ANKRD42: variants seen among roughly 807,000 people sequenced by gnomAD.
The protein encoded by ANKRD42 is ankyrin repeat domain-containing protein 42.
ANKRD42 carries 43 observed loss-of-function variants against 51.5 expected under a neutral mutation model. The observed-to-expected ratio is 0.83, with a 90% CI of 0.65 to 1.08. ANKRD42 has a LOEUF of 1.08. ANKRD42 is among the 50% of genes least tolerant of loss of function. The pLI is 0.00. For missense variants in ANKRD42, 608 were observed against 629.3 expected (o/e 0.97, Z 0.36); for synonymous variants, 203 against 213.0 (o/e 0.95, Z 0.41).
intron 1 of ANKRD42, among the ~76,000 whole-genome samples, chr11:83,197,937 A>G (rs930820463): frequency 6.6e-6 from 1 of 152,224 alleles, no homozygotes; most frequent in Admixed American, 6.5e-5. Flanking sequence ...ATATTTCAAA[A>G]TGGTTACTTT....
rs200751681 is a variant in ANKRD42, at chr11:83,219,573, G to A, written c.587-5282G>A. Among the ~76,000 whole-genome samples, 499 of 152,320 alleles carry A rather than the reference G, an allele frequency of 3.3e-3. 2 individuals carry two copies. Among genetic ancestry groups the A allele is most frequent in the South Asian group, 8.1e-3 (39 of 4,826 alleles). On this transcript the variant is annotated intron_variant, in intron 5 of 10. Coordinates refer to ENST00000533342, the MANE Select transcript of ANKRD42 (RefSeq NM_001300975.2). ...GCCTCTGTCCCCACTTGCCATCAAA[G>A]GAGTAAGCCCCTCTCTCAAGGCGGT... is the stretch of plus-strand genomic sequence containing the variant.
Position 83,235,801 on chromosome 11 carries a change from G to A in ANKRD42, c.914-603G>A, listed in dbSNP as rs1000787736. 3.5e-4 allele frequency among the ~76,000 whole-genome samples: 54 copies of A among 152,312 alleles called. 1 individual carries two copies. Among genetic ancestry groups the A allele is most frequent in the African/African-American group, 1.3e-3 (53 of 41,568 alleles). ...GACACATAAGCAGAGTTGTGAAGGT[G>A]AAAATAAAGACAGCATGTGTTATGA... On this transcript the variant is annotated intron_variant, in intron 7 of 10. Coordinates refer to ENST00000533342, the MANE Select transcript of ANKRD42 (RefSeq NM_001300975.2).
intron 5 of ANKRD42, among the ~76,000 whole-genome samples, chr11:83,216,234 G>GT (rs1862525238): frequency 6.6e-6 from 1 of 152,104 alleles, no homozygotes; most frequent in Non-Finnish European, 1.5e-5. Context: ...GGTTGTCCAT[G>GT]TTTTTAATTT....
Position 83,248,032 on chromosome 11 carries a change from T to C in ANKRD42, c.1412T>C (p.Val471Ala). 2 of 1,609,612 alleles carry C rather than the reference T, an allele frequency of 1.2e-6. No homozygotes were observed. The highest frequency in any genetic ancestry group is 1.7e-6 in the Non-Finnish European group (2 of 1,177,580). ...ECQLDEYRAE[V>A]DQLRETLEKI... ...CAGCTTGATGAATATCGAGCAGAAGTTGATCAACTCAGGGAAACACTGGAA... is the reference window on the plus strand; with the variant it reads ...CAGCTTGATGAATATCGAGCAGAAGCTGATCAACTCAGGGAAACACTGGAA... Residue 471 changes from valine to alanine, a missense_variant, in exon 11 of 11, where the codon GTT becomes GCT. Coordinates refer to ENST00000533342, the MANE Select transcript of ANKRD42 (RefSeq NM_001300975.2).
At chr11:83,215,842 CTGGAG>C (rs1236610037) in intron 5 of ANKRD42, among the ~76,000 whole-genome samples, 1 of 152,116 alleles carries the variant, frequency 6.6e-6, no homozygotes, top group Non-Finnish European at 1.5e-5. Flanking sequence ...GCTACCCAGG[CTGGAG>C]TGCAGTGGTG....
downstream of ANKRD42, chr11:83,260,717 T>A (rs1863889726): frequency 6.6e-6 from 1 of 152,242 alleles, no homozygotes; most frequent in African/African-American, 2.4e-5. Flanking sequence ...CTTGTCTTCT[T>A]GATCTGGGTA....
intron 5 of ANKRD42, chr11:83,215,141 G>C (rs1309487404): frequency 6.6e-6 from 1 of 152,000 alleles, no homozygotes; most frequent in East Asian, 1.9e-4. Flanking sequence ...TGTGCACTTA[G>C]GTTGATTCCA....
rs536789226 is a variant in ANKRD42 at position 83,210,391 on chromosome 11, C to G, written c.422C>G (p.Thr141Ser). The stretch of plus-strand genomic sequence containing the variant: ...GCTGCAACTCATGGACATTCTTTCA[C>G]TTTACAAATAATGCTCCGAAGTGGA... ...HLAATHGHSFTLQIMLRSGVD... is the reference protein window; with the variant it reads ...HLAATHGHSFSLQIMLRSGVD... Residue 141 changes from threonine (T) to serine (S), a missense_variant, in exon 4 of 11, where the codon ACT (threonine) becomes AGT (serine). Transcript: ENST00000533342. 6.2e-7 allele frequency: 1 copy of G among 1,613,988 alleles called. No homozygotes were observed. Among genetic ancestry groups the G allele is most frequent in the East Asian group, 2.2e-5 (1 of 44,852 alleles).
intron 7 of ANKRD42, among the ~76,000 whole-genome samples, chr11:83,235,225 G>C (rs1863189903): frequency 6.6e-6 from 1 of 152,184 alleles, no homozygotes; most frequent in Non-Finnish European, 1.5e-5. Context: ...TAAAATACAT[G>C]TCATAGGAGT....
downstream of ANKRD42, chr11:83,259,314 A>G (rs1863833083): frequency 6.6e-6 from 1 of 152,184 alleles, no homozygotes; most frequent in Non-Finnish European, 1.5e-5. Flanking sequence ...ACAAAAATTT[A>G]CCTGAACCCC....
At chr11:83,261,819 A>T (rs963675092), downstream of ANKRD42, 8 of 854,622 alleles carry the variant, frequency 9.4e-6, no homozygotes, top group Non-Finnish European at 1.5e-5. Context: ...CTTGTGTAGT[A>T]AATTTTTGCT....
intron 6 of ANKRD42, among the ~76,000 whole-genome samples, chr11:83,226,187 C>G (rs1341658920): frequency 6.9e-6 from 1 of 144,282 alleles, no homozygotes; most frequent in East Asian, 1.9e-4. Context: ...AGCTGTACAT[C>G]TGTACACATA....
chr11:83,231,383 C>A (rs757583990), intron 7 of ANKRD42, among the ~76,000 whole-genome samples: 11 of 152,128 alleles, frequency 7.2e-5, no homozygotes, highest in Admixed American at 3.3e-4. Flanking sequence ...CTGTTCAGAT[C>A]TTTTGCCCAT....
At chr11:83,254,213 G>C (rs948790685) in intron 11 of ANKRD42, among the ~76,000 whole-genome samples, 4 of 151,984 alleles carry the variant, frequency 2.6e-5, no homozygotes, top group Non-Finnish European at 5.9e-5. Flanking sequence ...AGCTCAAAGT[G>C]ATCTGCCCAC....
chr11:83,248,920 G>C lies in ANKRD42; in HGVS notation c.*716G>C, dbSNP rs188088894. 119 of 982,466 alleles carry C rather than the reference G, an allele frequency of 1.2e-4. No individual in the cohort carries two copies. In the African/African-American group the frequency reaches 1.9e-3, roughly 16 times the overall value. 60.9% of individuals were successfully genotyped at this position (982,466 alleles called of 1,614,324 possible). A position where few individuals can be genotyped will look rare whatever the true frequency, so the allele number is the denominator to read the frequency against. On this transcript the variant is annotated 3_prime_UTR_variant, in exon 11 of 11. Transcript: ENST00000533342. ...CACTTCCTCAGTTTCTCTGGGTTTT[G>C]GTGTCTCACCAGTGGTTGATTTTCC...
chr11:83,201,492 T>A (rs1861870737), intron 2 of ANKRD42, among the ~76,000 whole-genome samples: 1 of 152,212 alleles, frequency 6.6e-6, no homozygotes, highest in African/African-American at 2.4e-5. Context: ...TGATTTATAA[T>A]CCTTTGGGCA....
At chr11:83,249,588 C>T (rs1051552898), downstream of ANKRD42, among the ~76,000 whole-genome samples, 18 of 152,218 alleles carry the variant, frequency 1.2e-4, no homozygotes, top group African/African-American at 4.3e-4. Context: ...TACTCAGAAG[C>T]ATCTGTTCTC....
Position 83,200,112 on chromosome 11 carries a change from A to G in ANKRD42, c.222+1470A>G, listed in dbSNP as rs934255722. Among the ~76,000 whole-genome samples the G allele has an allele frequency of 1.4e-4, 21 of 151,754 alleles. 1 individual carries two copies. Among genetic ancestry groups the G allele is most frequent in the Admixed American group, 1.2e-3 (18 of 15,206 alleles). On this transcript the variant is annotated intron_variant, in intron 2 of 10. Transcript: ENST00000533342. ...TCTTTGCTTTTGGGTGATTTTGGAGAGAAGGGGGAAGTACTGATTTTACTC... is the reference window on the plus strand; with the variant it reads ...TCTTTGCTTTTGGGTGATTTTGGAGGGAAGGGGGAAGTACTGATTTTACTC...
chr11:83,254,735 C>A (rs1235879911), intron 11 of ANKRD42, among the ~76,000 whole-genome samples: 1 of 152,150 alleles, frequency 6.6e-6, no homozygotes, highest in Non-Finnish European at 1.5e-5. Flanking sequence ...CTTTAAAATA[C>A]TGGTAATGCT....
Sources: gnomAD v4.1 joint callset for allele counts (sites outside exome capture counted in the v4.1 genomes callset) on GRCh38, gnomAD v4.1.1 for gene constraint, MANE v1.5 for transcripts, NCBI Gene and HGNC (gene_info 2026-07-23, HGNC 2026-07-21) for gene names.